LINGO2: variants seen among roughly 807,000 people sequenced by gnomAD.
LINGO2 encodes leucine-rich repeat and immunoglobulin-like domain-containing nogo receptor-interacting protein 2.
LINGO2 carries 14 observed loss-of-function variants against 30.6 expected under a neutral mutation model. The observed-to-expected ratio is 0.46, with a 90% CI of 0.30 to 0.72. The LOEUF (loss-of-function observed/expected upper bound fraction) is 0.72. LINGO2 is among the 30% of genes least tolerant of loss of function. The probability of loss-of-function intolerance (pLI) is 0.07; values close to 1 mark genes in which losing one functional copy is unlikely to be tolerated. For synonymous variants in LINGO2, 317 were observed against 288.5 expected (o/e 1.10, Z -1.00); for missense variants, 729 against 751.7 (o/e 0.97, Z 0.35).
the LINGO2 span, among the ~76,000 whole-genome samples, chr9:29,160,147 G>C: frequency 5.3e-5 from 8 of 152,168 alleles, no homozygotes; most frequent in Non-Finnish European, 8.8e-5. Flanking sequence ...TGCTTCAGTA[G>C]GGAGGAGATG....
the LINGO2 span, among the ~76,000 whole-genome samples, chr9:28,879,060 A>T: frequency 1.3e-5 from 2 of 152,204 alleles, no homozygotes; most frequent in African/African-American, 2.4e-5. Flanking sequence ...CCCTGTTTGC[A>T]GATGACATGA....
chr9:28,035,201 A>G (rs1440208725), intron 4 of LINGO2, among the ~76,000 whole-genome samples: 2 of 152,220 alleles, frequency 1.3e-5, no homozygotes, highest in Non-Finnish European at 2.9e-5. Flanking sequence ...TTGTCAGCAT[A>G]CTGCTAACTC....
At chr9:27,997,739 A>C (rs1358077232) in intron 5 of LINGO2, among the ~76,000 whole-genome samples, 1 of 152,184 alleles carries the variant, frequency 6.6e-6, no homozygotes, top group African/African-American at 2.4e-5. Flanking sequence ...CTTGTCTGTG[A>C]ACTACTGATA....
intron 5 of LINGO2, among the ~76,000 whole-genome samples, chr9:28,011,801 G>A (rs549647143): frequency 2.6e-5 from 4 of 152,312 alleles, no homozygotes; most frequent in African/African-American, 4.8e-5. Flanking sequence ...TTCCTGGCAA[G>A]AGAAGTGGCC....
At chr9:29,154,740 C>G in the LINGO2 span, among the ~76,000 whole-genome samples, 1 of 152,090 alleles carries the variant, frequency 6.6e-6, no homozygotes, top group Admixed American at 6.5e-5. Flanking sequence ...CTGCTCCTAA[C>G]TTTAGATTAG....
the LINGO2 span, among the ~76,000 whole-genome samples, chr9:29,014,119 C>T: frequency 2.0e-5 from 3 of 152,046 alleles, no homozygotes; most frequent in African/African-American, 7.2e-5. Context: ...AGTTATGCAG[C>T]ATATATGTTA....
At chr9:28,925,377 G>A in the LINGO2 span, among the ~76,000 whole-genome samples, 12 of 152,148 alleles carry the variant, frequency 7.9e-5, no homozygotes, top group Non-Finnish European at 1.5e-4. Flanking sequence ...CCTGCCCAGA[G>A]GGTCTAGAGA....
chr9:29,209,161 A>G, the LINGO2 span, among the ~76,000 whole-genome samples: 1 of 152,254 alleles, frequency 6.6e-6, no homozygotes, highest in East Asian at 1.9e-4. Flanking sequence ...AAAATAAGCC[A>G]CTCAAAGCAC....
chr9:28,896,588 T>A, the LINGO2 span, among the ~76,000 whole-genome samples: 62 of 152,140 alleles, frequency 4.1e-4, no homozygotes, highest in African/African-American at 1.5e-3. Flanking sequence ...TGTACTCAAA[T>A]GCCATAAAAA....
chr9:28,948,034 T>A, the LINGO2 span, among the ~76,000 whole-genome samples: 4 of 152,034 alleles, frequency 2.6e-5, no homozygotes, highest in Non-Finnish European at 5.9e-5. Flanking sequence ...CCTAATTATT[T>A]AAAAAAATGT....
At chr9:28,865,493 A>G in the LINGO2 span, among the ~76,000 whole-genome samples, 1 of 152,080 alleles carries the variant, frequency 6.6e-6, no homozygotes, top group Non-Finnish European at 1.5e-5. Context: ...TTAAAAACAA[A>G]TCACCCTGGC....
chr9:28,233,061 T>TATATATATATATATAA (rs60875467), intron 4 of LINGO2, among the ~76,000 whole-genome samples: 1,292 of 118,558 alleles, frequency 0.011, 31 homozygotes, highest in African/African-American at 0.025. Context: ...TATATATATA[T>TATATATATATATATAA]TAGATATATA....
chr9:28,664,351 C>T (rs1828707207), intron 1 of LINGO2, among the ~76,000 whole-genome samples: 1 of 151,922 alleles, frequency 6.6e-6, no homozygotes, highest in Non-Finnish European at 1.5e-5. Context: ...ATATAGAGAG[C>T]TGTGATAAAT....
intron 2 of LINGO2, among the ~76,000 whole-genome samples, chr9:28,384,225 G>A (rs1317393271): frequency 1.3e-5 from 2 of 150,524 alleles, no homozygotes; most frequent in African/African-American, 4.9e-5. Flanking sequence ...TTGACCCTAT[G>A]CTCCTCTATA....
intron 4 of LINGO2, among the ~76,000 whole-genome samples, chr9:28,084,433 T>C (rs1264315761): frequency 2.0e-5 from 3 of 152,062 alleles, no homozygotes; most frequent in South Asian, 2.1e-4. Context: ...AATACCTAAA[T>C]TGATATCAAT....
chr9:29,044,785 G>C, the LINGO2 span, among the ~76,000 whole-genome samples: 1 of 152,036 alleles, frequency 6.6e-6, no homozygotes, highest in Non-Finnish European at 1.5e-5. Flanking sequence ...GTGGACACTT[G>C]AAGCTGCAGA....
At chr9:28,921,011 A>C in the LINGO2 span, among the ~76,000 whole-genome samples, 1 of 152,188 alleles carries the variant, frequency 6.6e-6, no homozygotes, top group Non-Finnish European at 1.5e-5. Flanking sequence ...CTACTCACTG[A>C]AAAACATGTA....
chr9:28,660,103 T>C (rs1828528254), intron 1 of LINGO2, among the ~76,000 whole-genome samples: 1 of 152,078 alleles, frequency 6.6e-6, no homozygotes, highest in Non-Finnish European at 1.5e-5. Flanking sequence ...GGAACAAAAA[T>C]ATATAAAAAT....
chr9:28,074,425 C>T (rs1399676409), intron 4 of LINGO2, among the ~76,000 whole-genome samples: 1 of 152,094 alleles, frequency 6.6e-6, no homozygotes, highest in African/African-American at 2.4e-5. Flanking sequence ...TTCTGCAGAC[C>T]TTTATTGGAT....
Sources: gnomAD v4.1 joint callset for allele counts (sites outside exome capture counted in the v4.1 genomes callset) on GRCh38, gnomAD v4.1.1 for gene constraint, MANE v1.5 for transcripts, NCBI Gene and HGNC (gene_info 2026-07-23, HGNC 2026-07-21) for gene names.